The following DUS2 variants were observed in gnomAD, a reference collection of about 807,000 sequenced individuals.
DUS2 encodes the protein tRNA-dihydrouridine(20) synthase [NAD(P)+]-like.
Under a neutral mutation model 71.3 loss-of-function variants are expected in DUS2, and 52 were observed. That is an observed-to-expected ratio of 0.73 (90% confidence interval 0.58 to 0.92). DUS2 has a LOEUF of 0.92. Ranked by LOEUF, DUS2 falls within the 40% of genes least tolerant of loss-of-function variation. The pLI, the probability that DUS2 is intolerant of heterozygous loss-of-function variation, is 0.00. For synonymous variants in DUS2, 204 were observed against 227.8 expected (o/e 0.90, Z 0.94); for missense variants, 558 against 622.6 (o/e 0.90, Z 1.10).
At chr16:68,027,029 A>G (rs1231441282) in intron 2 of DUS2, 1 of 152,068 alleles carries the variant, frequency 6.6e-6, no homozygotes, top group African/African-American at 2.4e-5. Context: ...AATCTTGTTC[A>G]CTCAAGTGAT....
intron 7 of DUS2, among the ~76,000 whole-genome samples, chr16:68,057,587 T>TA (rs34667335): frequency 9.3e-4 from 135 of 145,856 alleles, no homozygotes; most frequent in African/African-American, 3.0e-3. Context: ...TTCAAAAGTT[T>TA]AAAAAAAAAA....
At chr16:68,047,572 C>T (rs1262742837) in intron 3 of DUS2, among the ~76,000 whole-genome samples, 1 of 151,722 alleles carries the variant, frequency 6.6e-6, no homozygotes, top group East Asian at 1.9e-4. Context: ...CAACCTCCGC[C>T]TCCCTGGTTC....
chr16:68,061,216 C>A, intron 8 of DUS2, 103 bp downstream of exon 8: 1 of 1,248,394 alleles, frequency 8.0e-7, no homozygotes, highest in Non-Finnish European at 1.2e-6. Context: ...TGATGTCCAC[C>A]CAGTTTCTCT....
At chr16:68,062,138 G>A (rs1010858040) in intron 8 of DUS2, among the ~76,000 whole-genome samples, 4 of 152,086 alleles carry the variant, frequency 2.6e-5, no homozygotes, top group Admixed American at 6.5e-5. Flanking sequence ...AACCTCCTGA[G>A]TAGCTGGGAT....
intron 5 of DUS2, chr16:68,053,892 T>G: frequency 4.1e-6 from 2 of 489,704 alleles, no homozygotes; most frequent in South Asian, 3.2e-5. Context: ...CAAATTTAAT[T>G]TACTTACTTG....
intron 2 of DUS2, among the ~76,000 whole-genome samples, chr16:68,032,908 C>CA (rs71145986): frequency 0.12 from 7,033 of 57,798 alleles, 1,091 homozygotes; most frequent in African/African-American, 0.34. Context: ...GACTCCATCT[C>CA]AAAAAAAAAA....
chr16:68,031,678 G>A (rs1420366379), intron 2 of DUS2, among the ~76,000 whole-genome samples: 1 of 151,710 alleles, frequency 6.6e-6, no homozygotes, highest in East Asian at 1.9e-4. Context: ...TTATGTCCAT[G>A]TAACTGAAGT....
chr16:68,036,029 C>T (rs2033521205), intron 2 of DUS2, among the ~76,000 whole-genome samples: 1 of 147,820 alleles, frequency 6.8e-6, no homozygotes, highest in Non-Finnish European at 1.5e-5. Flanking sequence ...TGGAGTTTTC[C>T]TCTGTTGCTC....
chr16:68,035,945 C>T (rs1378958093), intron 2 of DUS2, among the ~76,000 whole-genome samples: 2 of 137,094 alleles, frequency 1.5e-5, no homozygotes, highest in African/African-American at 5.8e-5. Context: ...CATACATACA[C>T]ATATATATAC....
intron 7 of DUS2, among the ~76,000 whole-genome samples, chr16:68,060,418 A>G (rs370176670): frequency 1.3e-5 from 2 of 152,018 alleles, no homozygotes; most frequent in Admixed American, 1.3e-4. Flanking sequence ...GGTTCAAGCA[A>G]TTCTTCTGCC....
At chr16:68,041,306 G>C (rs1028467720) in intron 3 of DUS2, among the ~76,000 whole-genome samples, 1 of 152,096 alleles carries the variant, frequency 6.6e-6, no homozygotes, top group African/African-American at 2.4e-5. Context: ...CCCACATCAG[G>C]GTCTGTCAGG....
intron 7 of DUS2, among the ~76,000 whole-genome samples, chr16:68,057,544 G>A (rs192033310): frequency 6.6e-6 from 1 of 151,852 alleles, no homozygotes; most frequent in African/African-American, 2.4e-5. Flanking sequence ...ATGAGTCTGG[G>A]CAACAGAGTG....
At chr16:68,070,586 A>G (rs28607733) in intron 11 of DUS2, among the ~76,000 whole-genome samples, 4,094 of 152,246 alleles carry the variant, frequency 0.027, 171 homozygotes, top group African/African-American at 0.092. Context: ...CAGTGAACAT[A>G]TAAGTGGCCC....
At chr16:68,075,323 G>C (rs747615082) in intron 13 of DUS2, 32 bp from the exon 14 acceptor site, 1 of 1,556,510 alleles carries the variant, frequency 6.4e-7, no homozygotes, top group Non-Finnish European at 8.7e-7. Context: ...CTCCGCTAAA[G>C]TGTTTGCTCT....
chr16:68,067,429 G>A (rs1265379868), intron 10 of DUS2, among the ~76,000 whole-genome samples: 3 of 135,770 alleles, frequency 2.2e-5, no homozygotes, highest in Admixed American at 7.4e-5. Context: ...TTACAGGTGC[G>A]CTCCACCATG....
Position 68,043,032 on chromosome 16 carries a change from T to C in DUS2, c.126+4883T>C, listed in dbSNP as rs114182804. 6.6e-3 allele frequency among the ~76,000 whole-genome samples: 1,006 copies of C among 152,220 alleles called. 16 individuals carry two copies. Among genetic ancestry groups the C allele is most frequent in the African/African-American group, 0.023 (974 of 41,558 alleles). ...CACATCTGGCTAATTTTAAAATCTT[T>C]TGTAGAGACAGGATTTCGCTATGTT... is the stretch of plus-strand genomic sequence containing the variant. On this transcript the variant is annotated intron_variant, in intron 3 of 16. Coordinates refer to ENST00000565263, the MANE Select transcript of DUS2 (RefSeq NM_017803.5).
At chr16:68,056,895 T>C (rs2033861109) in intron 7 of DUS2, among the ~76,000 whole-genome samples, 1 of 143,764 alleles carries the variant, frequency 7.0e-6, no homozygotes, top group South Asian at 2.1e-4. Flanking sequence ...TATATTATAT[T>C]ACATATATAT....
chr16:68,075,744 A>G (rs141793529), intron 14 of DUS2, among the ~76,000 whole-genome samples: 5,758 of 152,010 alleles, frequency 0.038, 117 homozygotes, highest in Middle Eastern at 0.15. Context: ...ACCGCCTCCC[A>G]CAACTCAGGG....
chr16:68,062,276 GC>G (rs1468795064), intron 8 of DUS2, among the ~76,000 whole-genome samples: 1 of 151,938 alleles, frequency 6.6e-6, no homozygotes, highest in Admixed American at 6.6e-5. Flanking sequence ...CTCCCAAAGT[GC>G]TGGGATTACA....
Sources: gnomAD v4.1 joint callset for allele counts (sites outside exome capture counted in the v4.1 genomes callset) on GRCh38, gnomAD v4.1.1 for gene constraint, MANE v1.5 for transcripts, NCBI Gene and HGNC (gene_info 2026-07-23, HGNC 2026-07-21) for gene names.